The following AFG2A variants were observed in gnomAD, a reference collection of about 807,000 sequenced individuals.
AFG2A encodes the protein ATPase family gene 2 protein homolog A.
At chr4:123,264,979 G>A in the AFG2A span, among the ~76,000 whole-genome samples, 1 of 152,018 alleles carries the variant, frequency 6.6e-6, no homozygotes, top group African/African-American at 2.4e-5. Context: ...TGGGATCTTG[G>A]GATCTTAGTC....
the AFG2A span, among the ~76,000 whole-genome samples, chr4:123,271,698 G>A: frequency 6.6e-6 from 1 of 152,136 alleles, no homozygotes; most frequent in Non-Finnish European, 1.5e-5. Context: ...ACTTACTTGT[G>A]AGAGCAGAAA....
At chr4:123,016,724 G>T in the AFG2A span, among the ~76,000 whole-genome samples, 1 of 151,928 alleles carries the variant, frequency 6.6e-6, no homozygotes, top group Admixed American at 6.6e-5. Flanking sequence ...CGGGGTGGCG[G>T]CCGGGCAGAG....
At chr4:123,251,832 T>C in the AFG2A span, among the ~76,000 whole-genome samples, 1 of 152,128 alleles carries the variant, frequency 6.6e-6, no homozygotes, top group African/African-American at 2.4e-5. Flanking sequence ...CACTCATTTT[T>C]AAGCAAGGGA....
chr4:123,251,197 A>G, the AFG2A span, among the ~76,000 whole-genome samples: 1 of 152,212 alleles, frequency 6.6e-6, no homozygotes, highest in Non-Finnish European at 1.5e-5. Flanking sequence ...AACTATTAGA[A>G]AGGAAATTTT....
the AFG2A span, among the ~76,000 whole-genome samples, chr4:123,086,745 A>T: frequency 2.6e-5 from 4 of 151,846 alleles, no homozygotes; most frequent in South Asian, 8.3e-4. Flanking sequence ...AGTTTTCCTT[A>T]TCCTTGCTTT....
At chr4:123,276,223 T>G in the AFG2A span, among the ~76,000 whole-genome samples, 3 of 152,232 alleles carry the variant, frequency 2.0e-5, no homozygotes, top group Admixed American at 1.3e-4. Flanking sequence ...TGACTTGCAT[T>G]TCTCTAGTGA....
At chr4:123,165,538 G>T in the AFG2A span, among the ~76,000 whole-genome samples, 1 of 151,920 alleles carries the variant, frequency 6.6e-6, no homozygotes, top group South Asian at 2.1e-4. Context: ...CTCTTTAGTT[G>T]TATGGCTATC....
the AFG2A span, among the ~76,000 whole-genome samples, chr4:122,979,739 C>T: frequency 6.6e-6 from 1 of 151,996 alleles, no homozygotes; most frequent in Non-Finnish European, 1.5e-5. Flanking sequence ...CCCATCTCTA[C>T]AAAAAGTACA....
chr4:123,057,782 A>G, the AFG2A span, among the ~76,000 whole-genome samples: 1 of 150,638 alleles, frequency 6.6e-6, no homozygotes, highest in African/African-American at 2.4e-5. Context: ...AAAGAGGATT[A>G]TCTATGATGT....
chr4:123,212,730 G>T, the AFG2A span, among the ~76,000 whole-genome samples: 1 of 152,234 alleles, frequency 6.6e-6, no homozygotes, highest in South Asian at 2.1e-4. Context: ...CACCTGGAGA[G>T]CCGTTTGCAT....
At chr4:122,946,906 A>G in the AFG2A span, among the ~76,000 whole-genome samples, 2 of 152,078 alleles carry the variant, frequency 1.3e-5, no homozygotes, top group African/African-American at 4.8e-5. Flanking sequence ...CATATTATAT[A>G]TATGTTATTT....
At chr4:123,059,610 A>G in the AFG2A span, among the ~76,000 whole-genome samples, 2 of 151,450 alleles carry the variant, frequency 1.3e-5, no homozygotes, top group African/African-American at 2.4e-5. Context: ...GCCACAATAA[A>G]CATACGTGTG....
At chr4:123,301,699 C>T in the AFG2A span, among the ~76,000 whole-genome samples, 4 of 152,152 alleles carry the variant, frequency 2.6e-5, no homozygotes, top group Non-Finnish European at 2.9e-5. Context: ...TTCATCTGCC[C>T]CTTAGCTAGC....
chr4:123,090,895 A>C, the AFG2A span, among the ~76,000 whole-genome samples: 2 of 152,248 alleles, frequency 1.3e-5, no homozygotes, highest in Admixed American at 1.3e-4. Flanking sequence ...ATTCTTGCAT[A>C]CAAGTTATAC....
At chr4:122,924,614 CA>C in the AFG2A span, among the ~76,000 whole-genome samples, 2 of 152,120 alleles carry the variant, frequency 1.3e-5, no homozygotes, top group Admixed American at 1.3e-4. Flanking sequence ...ATTCTTAGTC[CA>C]AAACCTTTTT....
At chr4:123,003,333 T>C in the AFG2A span, among the ~76,000 whole-genome samples, 1 of 152,238 alleles carries the variant, frequency 6.6e-6, no homozygotes, top group African/African-American at 2.4e-5. Context: ...TCCAGCTTTG[T>C]TCTGTTGCTG....
the AFG2A span, chr4:123,256,728 C>T: frequency 2.0e-6 from 2 of 985,258 alleles, no homozygotes; most frequent in African/African-American, 1.7e-5. Context: ...CTGCCCTTAC[C>T]TCTGAAGATA....
At chr4:123,009,837 A>AT in the AFG2A span, among the ~76,000 whole-genome samples, 3 of 152,140 alleles carry the variant, frequency 2.0e-5, no homozygotes, top group African/African-American at 7.2e-5. Flanking sequence ...TAATTATCTA[A>AT]TTTAAAAATC....
chr4:123,194,093 G>A, the AFG2A span, among the ~76,000 whole-genome samples: 2 of 152,160 alleles, frequency 1.3e-5, no homozygotes, highest in East Asian at 3.9e-4. Context: ...TTAATTCTCT[G>A]TACTTATTGA....
Sources: gnomAD v4.1 joint callset for allele counts (sites outside exome capture counted in the v4.1 genomes callset) on GRCh38, gnomAD v4.1.1 for gene constraint, MANE v1.5 for transcripts, NCBI Gene and HGNC (gene_info 2026-07-23, HGNC 2026-07-21) for gene names.